NBPF12: variants seen among roughly 807,000 people sequenced by gnomAD.
NBPF12 encodes the protein NBPF family member NBPF12.
Under a neutral mutation model 146.4 loss-of-function variants are expected in NBPF12, and 115 were observed. The ratio of observed to expected loss-of-function variants is 0.79; its 90% CI spans 0.68 to 0.92. The LOEUF (loss-of-function observed/expected upper bound fraction) is 0.92. Among genes scored for constraint, NBPF12 ranks in the 40% least tolerant of loss-of-function variants. NBPF12 has a pLI of 0.00. For synonymous variants in NBPF12, 385 were observed against 508.9 expected (o/e 0.76, Z 3.28); for missense variants, 1,205 against 1,326.8 (o/e 0.91, Z 1.43).
chr1:146,969,786 G>A lies in NBPF12; in HGVS notation c.1306+190G>A, dbSNP rs1482806538. Reference sequence around the variant, plus strand: ...CCATGGGTTTGGAGGTCCCAGTATTGCAAGTGTCCCTCCTTCCTTGATGGA... The same window carrying A: ...CCATGGGTTTGGAGGTCCCAGTATTACAAGTGTCCCTCCTTCCTTGATGGA... On this transcript the variant is annotated intron_variant, in intron 11 of 33. Coordinates refer to ENST00000617844, the Ensembl canonical transcript of NBPF12. Among the ~76,000 whole-genome samples, 4 of 151,360 alleles carry A rather than the reference G, an allele frequency of 2.6e-5. 1 individual carries two copies. The highest frequency in any genetic ancestry group is 4.9e-5 in the African/African-American group (2 of 40,890).
At chr1:146,958,037 TATATATTATATACATATAC>T in intron 2 of NBPF12, among the ~76,000 whole-genome samples, 2 of 112,114 alleles carry the variant, frequency 1.8e-5, no homozygotes, top group African/African-American at 6.0e-5. Context: ...TACACGTGTA[TATATATTATATACATATAC>T]ACACGTGTGC....
intron 1 of NBPF12, among the ~76,000 whole-genome samples, chr1:146,941,860 T>A (rs1478555465): frequency 6.7e-6 from 1 of 149,714 alleles, no homozygotes; most frequent in African/African-American, 2.5e-5. Flanking sequence ...TTATTTTAGT[T>A]TTTGCATTTT....
At chr1:146,952,771 ATG>A (rs1424986641) in intron 2 of NBPF12, among the ~76,000 whole-genome samples, 2 of 149,430 alleles carry the variant, frequency 1.3e-5, no homozygotes, top group African/African-American at 2.5e-5. Flanking sequence ...AGGTTTAGCA[ATG>A]TGGGCACCCG....
At chr1:146,994,257 A>G in intron 33 of NBPF12, 75 bp from the exon 37 acceptor site, 2 of 1,610,304 alleles carry the variant, frequency 1.2e-6, no homozygotes, top group East Asian at 2.2e-5. Context: ...TCCTTATGTT[A>G]CTTCTGAAAT....
At chr1:146,966,783 T>C (rs1240803769) in intron 9 of NBPF12, 110 bp downstream of exon 12, 9 of 750,314 alleles carry the variant, frequency 1.2e-5, no homozygotes, top group Admixed American at 9.9e-5. Flanking sequence ...CCCATACTTC[T>C]AGGAAAACAG....
At chr1:146,938,338 G>C (rs1346072554), upstream of NBPF12, among the ~76,000 whole-genome samples, 1 of 152,128 alleles carries the variant, frequency 6.6e-6, no homozygotes, top group Non-Finnish European at 1.5e-5. Flanking sequence ...GTCAGACTAT[G>C]GGGCGGTGCG....
chr1:146,956,288 G>T (rs2101834758), intron 2 of NBPF12, among the ~76,000 whole-genome samples: 2 of 152,106 alleles, frequency 1.3e-5, no homozygotes, highest in Non-Finnish European at 2.9e-5. Context: ...TTCATTTGTA[G>T]AAAATGGTTA....
intron 13 of NBPF12, among the ~76,000 whole-genome samples, chr1:146,971,704 C>G (rs1257916745): frequency 0.012 from 1,797 of 150,000 alleles, 83 homozygotes; most frequent in African/African-American, 0.043. Flanking sequence ...GTGGGAGGAT[C>G]GGCTAACACG....
chr1:146,958,425 G>GA (rs1194018845), intron 2 of NBPF12, among the ~76,000 whole-genome samples: 1 of 114,788 alleles, frequency 8.7e-6, no homozygotes. Context: ...CCTTGTAAAG[G>GA]AAAAATAGGA....
At chr1:146,964,511 G>A (rs1553885269) in intron 7 of NBPF12, 82 bp downstream of exon 10, 1,314 of 1,588,378 alleles carry the variant, frequency 8.3e-4, no homozygotes, top group Middle Eastern at 1.6e-3. Context: ...GGCATCTATG[G>A]TGGGCCAAAA....
At chr1:146,948,727 C>G (rs1655183747), upstream of NBPF12, among the ~76,000 whole-genome samples, 1 of 151,776 alleles carries the variant, frequency 6.6e-6, no homozygotes, top group African/African-American at 2.4e-5. Context: ...AGCCCGACAC[C>G]CGTAAAGGGT....
chr1:146,964,418 A>T (rs1656059298), exon 7 of NBPF12: 4 of 1,601,670 alleles, frequency 2.5e-6, no homozygotes, highest in Non-Finnish European at 3.4e-6. Context: ...TACTGGAATC[A>T]TCTGCCCCCA....
At chr1:146,973,931 G>T (rs1253974939) in intron 14 of NBPF12, among the ~76,000 whole-genome samples, 1 of 150,946 alleles carries the variant, frequency 6.6e-6, no homozygotes, top group East Asian at 1.9e-4. Context: ...TAGCAGTGCA[G>T]TGTACAGAGC....
At chr1:146,965,032 G>C (rs1215718280) in exon 8 of NBPF12, 4 of 1,608,522 alleles carry the variant, frequency 2.5e-6, no homozygotes, top group Non-Finnish European at 3.4e-6. Context: ...GGAAGACAAA[G>C]TCAACTCAAC....
intron 2 of NBPF12, among the ~76,000 whole-genome samples, chr1:146,957,873 T>A (rs1244255594): frequency 3.7e-5 from 2 of 54,450 alleles, no homozygotes; most frequent in Non-Finnish European, 6.1e-5. Context: ...TTATATATAT[T>A]GTATATTATG....
rs1290542168 is a variant in NBPF12, at chr1:146,966,474, C to T, written c.789C>T (p.Pro263=). The change falls in exon 9 of 34, where the codon CCC becomes CCT. Residue 263 remains proline (P), a synonymous_variant. Coordinates refer to ENST00000617844, the Ensembl canonical transcript of NBPF12. ...CTTTCTTCTCCCCAGTCCCTGGCCC[C>T]ACCTCTTCTGCCACAAACGTCAGCA... The T allele has an allele frequency of 1.2e-5, 17 of 1,389,548 alleles. No homozygotes were observed. In the East Asian group the frequency reaches 2.5e-4, roughly 21 times the overall value. The allele number at this position is 1,389,548 out of a possible 1,614,324, so 86.1% of individuals were successfully genotyped here. A position where few individuals can be genotyped will look rare whatever the true frequency, so the allele number is the denominator to read the frequency against.
At chr1:146,980,766 C>T (rs1307812260) in intron 19 of NBPF12, among the ~76,000 whole-genome samples, 1,725 of 146,882 alleles carry the variant, frequency 0.012, 36 homozygotes, top group African/African-American at 0.042. Flanking sequence ...TTGACCCAGC[C>T]ATCCCATTAC....
intron 5 of NBPF12, 142 bp downstream of exon 8, chr1:146,962,405 T>A: frequency 1.4e-6 from 1 of 695,832 alleles, no homozygotes; most frequent in Non-Finnish European, 2.5e-6. Flanking sequence ...ACACAAATAT[T>A]TATCAGAGAA....
chr1:146,973,136 A>G (rs1262911604), intron 14 of NBPF12, among the ~76,000 whole-genome samples, 176 bp downstream of exon 17: 2 of 150,628 alleles, frequency 1.3e-5, no homozygotes, highest in Non-Finnish European at 1.5e-5. Context: ...CAAAGTATTT[A>G]GCAACTTTCC....
Sources: allele counts gnomAD v4.1 joint callset (sites outside exome capture counted in the v4.1 genomes callset), GRCh38; gene constraint gnomAD v4.1.1; transcripts MANE v1.5; gene names NCBI Gene and HGNC (gene_info 2026-07-23, HGNC 2026-07-21).